SGCG: variants seen among roughly 807,000 people sequenced by gnomAD.
SGCG encodes gamma-sarcoglycan.
A neutral mutation model predicts 29.3 loss-of-function variants in SGCG; 26 were observed. That is an observed-to-expected ratio of 0.89 (90% CI 0.65 to 1.23). The LOEUF (loss-of-function observed/expected upper bound fraction) is 1.23. Among genes scored for constraint, SGCG ranks in the 50% most tolerant of loss-of-function variants. SGCG has a pLI of 0.00. For synonymous variants in SGCG, 145 were observed against 129.7 expected (o/e 1.12, Z -0.80); for missense variants, 353 against 356.0 (o/e 0.99, Z 0.07).
At chr13:23,206,241 T>C (rs1327125980) in intron 2 of SGCG, among the ~76,000 whole-genome samples, 1 of 152,214 alleles carries the variant, frequency 6.6e-6, no homozygotes, top group Admixed American at 6.5e-5. Context: ...TAACAATAGG[T>C]ACAATGTTGT....
intron 3 of SGCG, among the ~76,000 whole-genome samples, chr13:23,247,625 T>A (rs561557475): frequency 1.3e-5 from 2 of 152,142 alleles, no homozygotes; most frequent in African/African-American, 4.8e-5. Context: ...TATATTATAT[T>A]CGTATATTAT....
chr13:23,322,783 C>CG (rs1566049117), intron 7 of SGCG, among the ~76,000 whole-genome samples: 2 of 99,286 alleles, frequency 2.0e-5, no homozygotes, highest in Admixed American at 9.0e-5. Context: ...CCCCCCCCCC[C>CG]CCCCCCGCCA....
intron 3 of SGCG, among the ~76,000 whole-genome samples, chr13:23,248,380 T>TA (rs1879805489): frequency 6.6e-6 from 1 of 152,124 alleles, no homozygotes. Context: ...GTTCTGAGTG[T>TA]AGTATTATCA....
chr13:23,308,686 C>T (rs539550), intron 6 of SGCG, among the ~76,000 whole-genome samples: 83,900 of 151,782 alleles, frequency 0.55, 24,380 homozygotes, highest in East Asian at 0.84. Context: ...CACCTTAGCG[C>T]CCTGAGTAGC....
intron 1 of SGCG, among the ~76,000 whole-genome samples, chr13:23,193,454 G>A (rs1419338877): frequency 6.6e-6 from 1 of 152,168 alleles, no homozygotes; most frequent in African/African-American, 2.4e-5. Context: ...GTGCAGATGG[G>A]GAAGCCAGGA....
chr13:23,265,356 A>G (rs993782158), intron 4 of SGCG, among the ~76,000 whole-genome samples: 3 of 152,148 alleles, frequency 2.0e-5, no homozygotes, highest in African/African-American at 7.2e-5. Context: ...AAGCAGGAGG[A>G]TCACGAGGTC....
At chr13:23,181,722 A>G (rs576566) in intron 1 of SGCG, among the ~76,000 whole-genome samples, 87,714 of 152,028 alleles carry the variant, frequency 0.58, 25,476 homozygotes, top group Admixed American at 0.64. Context: ...CTAATGCTTC[A>G]GCTTACTGAA....
At chr13:23,243,450 C>T (rs779263152) in intron 3 of SGCG, 5 of 152,232 alleles carry the variant, frequency 3.3e-5, no homozygotes, top group Non-Finnish European at 7.3e-5. Context: ...CTCCCATTGA[C>T]CAGAATTGTG....
intron 2 of SGCG, among the ~76,000 whole-genome samples, chr13:23,221,573 C>T (rs538910718): frequency 3.3e-4 from 50 of 152,266 alleles, no homozygotes; most frequent in African/African-American, 1.0e-3. Context: ...CAGTGCTAAG[C>T]GCTACAAATA....
At chr13:23,318,066 A>G (rs1255278141) in intron 6 of SGCG, among the ~76,000 whole-genome samples, 1 of 151,938 alleles carries the variant, frequency 6.6e-6, no homozygotes, top group Non-Finnish European at 1.5e-5. Flanking sequence ...CGAACATTGG[A>G]CTCCAAGTTC....
At chr13:23,274,354 C>T (rs942589611) in intron 4 of SGCG, among the ~76,000 whole-genome samples, 4 of 148,830 alleles carry the variant, frequency 2.7e-5, no homozygotes, top group African/African-American at 7.4e-5. Flanking sequence ...ACAGTTCTGC[C>T]TTTAAGTAAT....
intron 4 of SGCG, among the ~76,000 whole-genome samples, chr13:23,264,636 A>G (rs545902986): frequency 3.3e-5 from 5 of 152,336 alleles, no homozygotes. Context: ...CTAAGCAAAA[A>G]GAATAAATCT....
At chr13:23,194,848 A>G (rs1256851344) in intron 1 of SGCG, among the ~76,000 whole-genome samples, 1 of 152,200 alleles carries the variant, frequency 6.6e-6, no homozygotes, top group African/African-American at 2.4e-5. Flanking sequence ...CCACTATAAC[A>G]GTATACAGAA....
At chr13:23,283,445 C>A (rs74316927) in intron 5 of SGCG, among the ~76,000 whole-genome samples, 13,837 of 152,122 alleles carry the variant, frequency 0.091, 693 homozygotes, top group Admixed American at 0.11. Flanking sequence ...GTAATCCCTG[C>A]TTTATCTTTT....
At chr13:23,303,185 C>T (rs1396609510) in intron 6 of SGCG, among the ~76,000 whole-genome samples, 3 of 67,840 alleles carry the variant, frequency 4.4e-5, no homozygotes, top group Non-Finnish European at 8.7e-5. Context: ...AATCAATGAG[C>T]ATGTCTTTCT....
chr13:23,178,537 G>A (rs1876630342), upstream of SGCG, among the ~76,000 whole-genome samples: 1 of 152,006 alleles, frequency 6.6e-6, no homozygotes, highest in African/African-American at 2.4e-5. Flanking sequence ...AGCTTATAAC[G>A]TCATGAGAAC....
At chr13:23,168,894 A>G in the SGCG span, among the ~76,000 whole-genome samples, 1 of 152,092 alleles carries the variant, frequency 6.6e-6, no homozygotes, top group Non-Finnish European at 1.5e-5. Context: ...TGTGAGGCAT[A>G]TTACATTCAG....
chr13:23,314,385 TATATATATATA>T (rs1882721797), intron 6 of SGCG, among the ~76,000 whole-genome samples: 1 of 86,178 alleles, frequency 1.2e-5, no homozygotes, highest in African/African-American at 3.4e-5. Context: ...CTATAGGTTA[TATATATATATA>T]TATATATATA....
chr13:23,172,915 C>T, the SGCG span, among the ~76,000 whole-genome samples: 1 of 152,174 alleles, frequency 6.6e-6, no homozygotes, highest in African/African-American at 2.4e-5. Context: ...TACAGAATAG[C>T]CCCTACTACG....
Sources: allele counts gnomAD v4.1 joint callset (sites outside exome capture counted in the v4.1 genomes callset), GRCh38; gene constraint gnomAD v4.1.1; transcripts MANE v1.5; gene names NCBI Gene and HGNC (gene_info 2026-07-23, HGNC 2026-07-21).